SLC2A13: variants seen among roughly 807,000 people sequenced by gnomAD.
SLC2A13 encodes solute carrier family 2 member 13.
Under a neutral mutation model 64.4 loss-of-function variants are expected in SLC2A13, and 32 were observed. The ratio of observed to expected loss-of-function variants is 0.50; its 90% CI spans 0.37 to 0.67. The LOEUF (loss-of-function observed/expected upper bound fraction) is 0.67. SLC2A13 is among the 30% of genes least tolerant of loss of function. SLC2A13 has a pLI of 0.00. For synonymous variants in SLC2A13, 338 were observed against 327.1 expected (o/e 1.03, Z -0.36); for missense variants, 743 against 829.2 (o/e 0.90, Z 1.28).
intron 4 of SLC2A13, among the ~76,000 whole-genome samples, chr12:39,874,270 A>T (rs997946170): frequency 2.0e-5 from 3 of 152,154 alleles, no homozygotes; most frequent in African/African-American, 7.2e-5. Context: ...GCAAAATGGT[A>T]TGCTGGGTTC....
At chr12:39,772,250 C>T (rs1940609136) in intron 7 of SLC2A13, among the ~76,000 whole-genome samples, 2 of 152,132 alleles carry the variant, frequency 1.3e-5, no homozygotes, top group Non-Finnish European at 2.9e-5. Context: ...CCCTTACCAG[C>T]TTTGTAACTT....
At chr12:39,790,113 C>T (rs1322150315) in intron 7 of SLC2A13, among the ~76,000 whole-genome samples, 4 of 95,208 alleles carry the variant, frequency 4.2e-5, no homozygotes, top group South Asian at 4.7e-4. Flanking sequence ...AGATTCTGTG[C>T]ATTCTTTTGT....
intron 1 of SLC2A13, among the ~76,000 whole-genome samples, chr12:40,050,200 TTTACA>T (rs531337529): frequency 8.3e-4 from 126 of 152,308 alleles, no homozygotes; most frequent in African/African-American, 2.6e-3. Context: ...CAAACAATAA[TTTACA>T]ACTTGGATTT....
chr12:40,093,540 G>A (rs1269978956), intron 1 of SLC2A13, among the ~76,000 whole-genome samples: 1 of 152,174 alleles, frequency 6.6e-6, no homozygotes, highest in Non-Finnish European at 1.5e-5. Context: ...TTTGGCTAGT[G>A]GAAACTGCTA....
chr12:39,967,184 C>A (rs921726702), intron 3 of SLC2A13, among the ~76,000 whole-genome samples: 4 of 152,170 alleles, frequency 2.6e-5, no homozygotes, highest in African/African-American at 9.7e-5. Flanking sequence ...CACTGTACTG[C>A]AAAACTCAAC....
At chr12:39,858,641 C>G (rs115235566) in intron 6 of SLC2A13, among the ~76,000 whole-genome samples, 2,143 of 152,252 alleles carry the variant, frequency 0.014, 38 homozygotes, top group African/African-American at 0.047. Flanking sequence ...GAGTCTTGCA[C>G]TATTGCCTGG....
rs1461347227 is a variant in SLC2A13 at position 39,797,744 on chromosome 12, A to ACG, written c.1445+32358_1445+32359insCG. 1.1e-4 allele frequency among the ~76,000 whole-genome samples: 17 copies of ACG among 150,334 alleles called. 2 individuals carry two copies. The highest frequency in any genetic ancestry group is 3.2e-4 in the African/African-American group (13 of 40,920). On this transcript the variant is annotated intron_variant, in intron 7 of 9. Coordinates refer to ENST00000280871, the MANE Select transcript of SLC2A13 (RefSeq NM_052885.4). ...TTATGGTAAACACACACACACACAC[A>ACG]CACACACACACACACACACACACAC...
At chr12:39,864,103 A>G (rs1313862911) in intron 6 of SLC2A13, among the ~76,000 whole-genome samples, 4 of 152,222 alleles carry the variant, frequency 2.6e-5, no homozygotes, top group Non-Finnish European at 5.9e-5. Context: ...GATGTGTCCA[A>G]TCACTCAAAG....
chr12:39,953,373 A>G (rs1204030020), intron 3 of SLC2A13, among the ~76,000 whole-genome samples: 2 of 152,166 alleles, frequency 1.3e-5, no homozygotes, highest in South Asian at 4.1e-4. Context: ...TTTTGGTCCC[A>G]GCAGCTGCAC....
At chr12:39,771,445 C>T (rs1187135702) in intron 7 of SLC2A13, among the ~76,000 whole-genome samples, 2 of 152,134 alleles carry the variant, frequency 1.3e-5, no homozygotes, top group East Asian at 1.9e-4. Context: ...AGGGCAGCCT[C>T]TGTCCAACAG....
intron 3 of SLC2A13, among the ~76,000 whole-genome samples, chr12:39,987,956 T>C (rs953801271): frequency 6.6e-6 from 1 of 152,148 alleles, no homozygotes; most frequent in Non-Finnish European, 1.5e-5. Context: ...AATCCCCCAC[T>C]GACCCTCCAA....
chr12:40,018,825 C>T (rs956732294), intron 3 of SLC2A13, among the ~76,000 whole-genome samples: 1 of 152,148 alleles, frequency 6.6e-6, no homozygotes, highest in Non-Finnish European at 1.5e-5. Context: ...TCAGATCCCA[C>T]CCACACCATT....
At chr12:39,948,705 G>A (rs566826022) in intron 4 of SLC2A13, among the ~76,000 whole-genome samples, 1 of 152,100 alleles carries the variant, frequency 6.6e-6, no homozygotes, top group East Asian at 1.9e-4. Context: ...CACATTATTA[G>A]GGTTGAATTA....
intron 1 of SLC2A13, among the ~76,000 whole-genome samples, chr12:40,071,696 T>A (rs1937964381): frequency 6.6e-6 from 1 of 152,174 alleles, no homozygotes; most frequent in Admixed American, 6.6e-5. Flanking sequence ...GTCCATTTCA[T>A]CTAGGTTATC....
At chr12:39,802,066 A>T (rs973119955) in intron 7 of SLC2A13, among the ~76,000 whole-genome samples, 1 of 152,214 alleles carries the variant, frequency 6.6e-6, no homozygotes, top group South Asian at 2.1e-4. Flanking sequence ...GATATAATAG[A>T]GAAGCACTAA....
At chr12:39,930,979 G>A (rs1428796842) in intron 4 of SLC2A13, among the ~76,000 whole-genome samples, 1 of 152,072 alleles carries the variant, frequency 6.6e-6, no homozygotes, top group Non-Finnish European at 1.5e-5. Flanking sequence ...CAAACTAAGT[G>A]AGCAATATAA....
intron 3 of SLC2A13, among the ~76,000 whole-genome samples, chr12:39,963,096 C>A (rs1946443439): frequency 6.6e-6 from 1 of 151,988 alleles, no homozygotes; most frequent in South Asian, 2.1e-4. Flanking sequence ...ACCATCCTGG[C>A]TAACACGGTG....
At chr12:40,043,140 GAC>G (rs1948119411) in intron 2 of SLC2A13, among the ~76,000 whole-genome samples, 1 of 151,996 alleles carries the variant, frequency 6.6e-6, no homozygotes, top group Non-Finnish European at 1.5e-5. Flanking sequence ...GTAGGAAATA[GAC>G]AGTCTTGAAA....
intron 1 of SLC2A13, among the ~76,000 whole-genome samples, chr12:40,058,041 C>T (rs1287587025): frequency 8.1e-6 from 1 of 123,316 alleles, no homozygotes; most frequent in South Asian, 2.9e-4. Context: ...AAATTTCTCT[C>T]CAGATAGATA....
Sources: allele counts gnomAD v4.1 joint callset (sites outside exome capture counted in the v4.1 genomes callset), GRCh38; gene constraint gnomAD v4.1.1; transcripts MANE v1.5; gene names NCBI Gene and HGNC (gene_info 2026-07-23, HGNC 2026-07-21).